The following MEOX2 variants were observed in gnomAD, a reference collection of about 807,000 sequenced individuals.
MEOX2 encodes homeobox protein MOX-2.
Under a neutral mutation model 27.0 loss-of-function variants are expected in MEOX2, and 11 were observed. The ratio of observed to expected loss-of-function variants is 0.41; its 90% CI spans 0.26 to 0.68. The LOEUF (loss-of-function observed/expected upper bound fraction) is 0.68, where lower values mean the gene tolerates loss of function less well. MEOX2 is among the 30% of genes least tolerant of loss of function. MEOX2 has a pLI of 0.33. For synonymous variants in MEOX2, 189 were observed against 155.4 expected, an observed-to-expected ratio of 1.22 and a Z score of -1.61; for missense variants, 436 against 385.4, an observed-to-expected ratio of 1.13 and a Z score of -1.10.
intron 1 of MEOX2, among the ~76,000 whole-genome samples, chr7:15,652,307 C>T (rs1668078160): frequency 6.6e-6 from 1 of 152,004 alleles, no homozygotes; most frequent in African/African-American, 2.4e-5. Flanking sequence ...ATTACTCATG[C>T]ATTTTGAATA....
intron 2 of MEOX2, among the ~76,000 whole-genome samples, chr7:15,622,364 T>A (rs1319115585): frequency 6.6e-6 from 1 of 152,112 alleles, no homozygotes; most frequent in East Asian, 1.9e-4. Flanking sequence ...TGCTTTTGAA[T>A]CACACACCCA....
intron 2 of MEOX2, 54 bp from the exon 3 acceptor site, chr7:15,612,665 CA>C (rs2115350966): frequency 3.3e-6 from 5 of 1,504,090 alleles, no homozygotes; most frequent in South Asian, 2.3e-5. Context: ...ATTAAAGTGA[CA>C]TTTTTTTCTC....
At chr7:15,676,264 G>T (rs753236135) in intron 1 of MEOX2, 1 of 152,102 alleles carries the variant, frequency 6.6e-6, no homozygotes, top group Non-Finnish European at 1.5e-5. Flanking sequence ...TTTGTAAAAA[G>T]AAATTATATC....
At position 15,686,424 on chromosome 7, in the gene MEOX2, A is replaced by T. The variant is rs1484649205; in HGVS notation, c.-22T>A. The T allele has an allele frequency of 6.4e-7, 1 of 1,551,192 alleles. No individual in the cohort carries two copies. The highest frequency in any genetic ancestry group is 8.7e-7 in the Non-Finnish European group (1 of 1,146,590). The stretch of plus-strand genomic sequence containing the variant: ...CCATAGCATGCAAGTTTCGGGTTCC[A>T]GGCAGAAGACTTCACGGCGGTTCCA... On this transcript the variant is annotated 5_prime_UTR_variant, in exon 1 of 3. Coordinates refer to ENST00000262041, the MANE Select transcript of MEOX2 (RefSeq NM_005924.5).
intron 1 of MEOX2, among the ~76,000 whole-genome samples, chr7:15,656,327 T>C (rs1348241014): frequency 2.0e-5 from 3 of 151,902 alleles, no homozygotes; most frequent in Non-Finnish European, 4.4e-5. Flanking sequence ...TGACTTTTAA[T>C]TGCTATGTTT....
At chr7:15,622,238 T>C (rs1781232825) in intron 2 of MEOX2, among the ~76,000 whole-genome samples, 1 of 152,198 alleles carries the variant, frequency 6.6e-6, no homozygotes, top group Admixed American at 6.5e-5. Context: ...TATGGAGATG[T>C]GTATATATTT....
chr7:15,658,243 G>A (rs1381969788), intron 1 of MEOX2, among the ~76,000 whole-genome samples: 2 of 152,172 alleles, frequency 1.3e-5, no homozygotes, highest in Non-Finnish European at 1.5e-5. Context: ...ACTTCAGCCT[G>A]CAGGGGAGGT....
At chr7:15,666,725 G>A (rs1273000534) in intron 1 of MEOX2, among the ~76,000 whole-genome samples, 23 of 122,108 alleles carry the variant, frequency 1.9e-4, no homozygotes, top group Admixed American at 1.1e-3. Flanking sequence ...GCACTCCAGC[G>A]TGGGCAACAG....
At chr7:15,667,172 TCCCAGCTA>T (rs1782021402) in intron 1 of MEOX2, among the ~76,000 whole-genome samples, 1 of 150,824 alleles carries the variant, frequency 6.6e-6, no homozygotes, top group Non-Finnish European at 1.5e-5. Flanking sequence ...ACGCCTGTTG[TCCCAGCTA>T]CTTGGGAAGC....
chr7:15,627,446 A>C (rs1781330769), intron 1 of MEOX2, among the ~76,000 whole-genome samples: 1 of 152,084 alleles, frequency 6.6e-6, no homozygotes, highest in African/African-American at 2.4e-5. Flanking sequence ...TATTTAAGTA[A>C]AATTCTTGAG....
intron 2 of MEOX2, among the ~76,000 whole-genome samples, chr7:15,622,185 A>G (rs560494511): frequency 6.6e-6 from 1 of 152,156 alleles, no homozygotes; most frequent in African/African-American, 2.4e-5. Context: ...TGTTTGCATG[A>G]TATCTTTCTT....
chr7:15,680,449 G>A (rs764672114), intron 1 of MEOX2: 4 of 151,920 alleles, frequency 2.6e-5, no homozygotes, highest in Non-Finnish European at 5.9e-5. Flanking sequence ...ACCATTCTAA[G>A]TTTTACTACA....
Position 15,611,722 on chromosome 7 carries a change from C to A in MEOX2, c.*665G>T, listed in dbSNP as rs1385694416. ...CACATACTGATTGTCTCTGGGATGACAAAATGTATAAAAAAGACAAGAAAC... is the reference window on the plus strand; with the variant it reads ...CACATACTGATTGTCTCTGGGATGAAAAAATGTATAAAAAAGACAAGAAAC... On this transcript the variant is annotated 3_prime_UTR_variant, in exon 3 of 3. Transcript: ENST00000262041. 1 of 153,050 alleles carries A rather than the reference C, an allele frequency of 6.5e-6. No individual in the cohort carries two copies. Among genetic ancestry groups the A allele is most frequent in the Non-Finnish European group, 1.5e-5 (1 of 68,426 alleles). 9.5% of individuals were successfully genotyped at this position (153,050 alleles called of 1,614,324 possible). A position where few individuals can be genotyped will look rare whatever the true frequency, so the allele number is the denominator to read the frequency against.
chr7:15,655,303 G>C (rs1044504494), intron 1 of MEOX2, among the ~76,000 whole-genome samples: 4 of 151,534 alleles, frequency 2.6e-5, no homozygotes, highest in Non-Finnish European at 4.4e-5. Flanking sequence ...AAGATTATCA[G>C]TTTTAAAAAT....
At chr7:15,677,973 A>T (rs1476774247) in intron 1 of MEOX2, among the ~76,000 whole-genome samples, 1 of 152,320 alleles carries the variant, frequency 6.6e-6, no homozygotes, top group East Asian at 1.9e-4. Context: ...GGAGCAAAGA[A>T]TAGTTCTGGA....
chr7:15,644,098 G>C (rs1006609402), intron 1 of MEOX2, among the ~76,000 whole-genome samples: 6 of 152,272 alleles, frequency 3.9e-5, no homozygotes, highest in Admixed American at 3.9e-4. Context: ...AGAGTGTCTG[G>C]GCTCTGTTTT....
intron 1 of MEOX2, among the ~76,000 whole-genome samples, chr7:15,651,509 C>T (rs950986596): frequency 7.9e-5 from 12 of 151,876 alleles, no homozygotes; most frequent in Admixed American, 3.9e-4. Context: ...AATATCTAAC[C>T]TCTAGAGTGC....
At chr7:15,629,022 T>C (rs961666394) in intron 1 of MEOX2, among the ~76,000 whole-genome samples, 4 of 152,058 alleles carry the variant, frequency 2.6e-5, no homozygotes, top group Non-Finnish European at 5.9e-5. Flanking sequence ...AATGCTCTTT[T>C]CCTTTCAGTC....
At chr7:15,653,101 G>A (rs1168909792) in intron 1 of MEOX2, among the ~76,000 whole-genome samples, 1 of 120,500 alleles carries the variant, frequency 8.3e-6, no homozygotes, top group Non-Finnish European at 1.9e-5. Flanking sequence ...ACTAGCGGTG[G>A]TGTCTGGATG....
Sources: gnomAD v4.1 joint callset for allele counts (sites outside exome capture counted in the v4.1 genomes callset) on GRCh38, gnomAD v4.1.1 for gene constraint, MANE v1.5 for transcripts, NCBI Gene and HGNC (gene_info 2026-07-23, HGNC 2026-07-21) for gene names.